Variants in RASSF9 observed in about 807,000 individuals in gnomAD.
The protein encoded by RASSF9 is ras association domain-containing protein 9.
Under a neutral mutation model 21.4 loss-of-function variants are expected in RASSF9, and 18 were observed. That is an observed-to-expected ratio of 0.84 (90% CI 0.58 to 1.25). RASSF9 has a LOEUF of 1.25. RASSF9 is among the 50% of genes most tolerant of loss of function. RASSF9 has a pLI of 0.00. For synonymous variants in RASSF9, 183 were observed against 179.1 expected (o/e 1.02, Z -0.18); for missense variants, 480 against 503.2 (o/e 0.95, Z 0.44).
At position 85,805,775 on chromosome 12, in the gene RASSF9, T is replaced by C. The variant is rs1879816926; in HGVS notation, c.235A>G (p.Ile79Val). ...TCGGAGCCTCTCCACTTCTCTATGA[T>C]GCAGTAATCACTGGGCTTCCCCAGA... ...FLLGKPSDYC[I>V]IEKWRGSERV... is the part of the protein sequence containing the mutation. Residue 79 changes from isoleucine to valine, a missense_variant, in exon 2 of 2, where the codon ATC becomes GTC. Coordinates refer to ENST00000361228, the MANE Select transcript of RASSF9 (RefSeq NM_005447.4). 1.2e-6 allele frequency: 2 copies of C among 1,613,800 alleles called. No homozygotes were observed. The highest frequency in any genetic ancestry group is 1.7e-6 in the Non-Finnish European group (2 of 1,179,914).
In RASSF9 at chr12:85,805,292, A is replaced by C. The variant is rs1879797281; in HGVS notation, c.718T>G (p.Phe240Val). 6.2e-7 allele frequency: 1 copy of C among 1,613,420 alleles called. No homozygotes were observed. Among genetic ancestry groups the C allele is most frequent in the Non-Finnish European group, 8.5e-7 (1 of 1,179,880 alleles). The change falls in exon 2 of 2, where the codon TTC becomes GTC. Residue 240 changes from phenylalanine to valine, a missense_variant. By Grantham distance (50) the Phe-to-Val change is conservative. Transcript: ENST00000361228. ...TCTAGATTTTGCTCAACTTCACTGA[A>C]ACTGGGCATTAAATATGCATCCTGA... ...YVQDAYLMPS[F>V]SEVEQNLDLQ...
intron 1 of RASSF9, among the ~76,000 whole-genome samples, chr12:85,819,314 C>A (rs1880157031): frequency 6.6e-6 from 1 of 151,966 alleles, no homozygotes. Flanking sequence ...GCTGGGATTA[C>A]AGGCACGAGC....
chr12:85,818,956 C>CAAAAAAAAAAAAAAAAAAAAAAAAAA (rs60760019), intron 1 of RASSF9, among the ~76,000 whole-genome samples: 1 of 66,626 alleles, frequency 1.5e-5, no homozygotes, highest in Non-Finnish European at 2.7e-5. Flanking sequence ...GAGACTCCGT[C>CAAAAAAAAAAAAAAAAAAAAAAAAAA]AAAAAAAAAA....
intron 1 of RASSF9, among the ~76,000 whole-genome samples, chr12:85,830,566 T>C (rs552700046): frequency 6.6e-6 from 1 of 152,246 alleles, no homozygotes; most frequent in African/African-American, 2.4e-5. Flanking sequence ...CTCAATGATT[T>C]TTTTAACAGA....
intron 1 of RASSF9, among the ~76,000 whole-genome samples, chr12:85,832,383 A>G (rs1466988309): frequency 6.6e-6 from 1 of 151,868 alleles, no homozygotes; most frequent in Non-Finnish European, 1.5e-5. Flanking sequence ...ATACCTTACA[A>G]CCAAGTGTTC....
chr12:85,806,297 G>A (rs1381911695), intron 1 of RASSF9, among the ~76,000 whole-genome samples: 7 of 150,654 alleles, frequency 4.6e-5, no homozygotes, highest in South Asian at 4.2e-4. Context: ...TGATCCACCC[G>A]TCTCGGCCTC....
At chr12:85,836,104 CACACACACACACAGAG>C in intron 1 of RASSF9, 35 bp downstream of exon 1, 1 of 1,334,372 alleles carries the variant, frequency 7.5e-7, no homozygotes, top group Non-Finnish European at 1.0e-6. Flanking sequence ...ACACACAAGA[CACACACACACACAGAG>C]ACACACACAC....
intron 1 of RASSF9, among the ~76,000 whole-genome samples, chr12:85,807,196 A>G (rs915920016): frequency 6.6e-6 from 1 of 152,172 alleles, no homozygotes; most frequent in Non-Finnish European, 1.5e-5. Context: ...GAATTCCAGG[A>G]ACAATGAGCA....
chr12:85,831,574 T>G (rs1256834457), intron 1 of RASSF9, among the ~76,000 whole-genome samples: 1 of 151,936 alleles, frequency 6.6e-6, no homozygotes, highest in Non-Finnish European at 1.5e-5. Context: ...ACTACTTAAG[T>G]TACCAGGTAT....
chr12:85,811,868 G>A (rs377430465), intron 1 of RASSF9, among the ~76,000 whole-genome samples: 14 of 151,706 alleles, frequency 9.2e-5, no homozygotes, highest in African/African-American at 3.1e-4. Context: ...ATCTTACTCA[G>A]TGTTAATTAG....
At position 85,802,555 on chromosome 12, in the gene RASSF9, A is replaced by T. The variant is rs1186568406; in HGVS notation, c.*2147T>A. 1 of 152,168 alleles carries T rather than the reference A, an allele frequency of 6.6e-6. No individual in the cohort carries two copies. Among genetic ancestry groups the T allele is most frequent in the Non-Finnish European group, 1.5e-5 (1 of 67,992 alleles). The allele number at this position is 152,168 out of a possible 1,614,324, so 9.4% of individuals were successfully genotyped here. On this transcript the variant is annotated 3_prime_UTR_variant, in exon 2 of 2. Transcript: ENST00000361228. ...AGCCTTAAATGCATTACTGTGCTTAACTGTATAAAAGCAGAAGTTAATTCA... is the reference window on the plus strand; with the variant it reads ...AGCCTTAAATGCATTACTGTGCTTATCTGTATAAAAGCAGAAGTTAATTCA...
intron 1 of RASSF9, among the ~76,000 whole-genome samples, chr12:85,832,961 C>A (rs10863083): frequency 0.38 from 57,009 of 151,526 alleles, 11,583 homozygotes; most frequent in African/African-American, 0.5. Flanking sequence ...CCATGTCTTT[C>A]TATGAAAGTT....
At position 85,804,858 on chromosome 12, in the gene RASSF9, T is replaced by C. The variant is rs775618744; in HGVS notation, c.1152A>G (p.Glu384=). The C allele has an allele frequency of 3.1e-6, 5 of 1,613,764 alleles. No individual in the cohort carries two copies. In the South Asian group the frequency reaches 4.4e-5, roughly 14 times the overall value. The change falls in exon 2 of 2, where the codon GAA becomes GAG. Residue 384 remains glutamate (E), a synonymous_variant. Coordinates refer to ENST00000361228, the MANE Select transcript of RASSF9 (RefSeq NM_005447.4). ...CCCCATTGCTACTGGGAACCTCAGA[T>C]TCCTTCGCTCTGTTTTCCTTTAACT... ...GCQLKENRAK[E]SEVPSSNGEI... is the part of the protein sequence containing the mutation.
At chr12:85,808,849 T>A (rs1879890651) in intron 1 of RASSF9, among the ~76,000 whole-genome samples, 1 of 152,092 alleles carries the variant, frequency 6.6e-6, no homozygotes, top group Non-Finnish European at 1.5e-5. Context: ...GTCATAATTA[T>A]CAACCTTATA....
intron 1 of RASSF9, among the ~76,000 whole-genome samples, chr12:85,821,643 ATGTT>A (rs1303261683): frequency 1.3e-5 from 2 of 151,746 alleles, no homozygotes; most frequent in Non-Finnish European, 2.9e-5. Context: ...TTTGATATAT[ATGTT>A]TGTGTATATA....
Position 85,803,507 on chromosome 12 carries a change from A to T in RASSF9, c.*1195T>A, listed in dbSNP as rs1002188189. 1 of 152,206 alleles carries T rather than the reference A, an allele frequency of 6.6e-6. No homozygotes were observed. The highest frequency in any genetic ancestry group is 2.4e-5 in the African/African-American group (1 of 41,454). 9.4% of individuals were successfully genotyped at this position (152,206 alleles called of 1,614,324 possible). Reference sequence around the variant, plus strand: ...CGGGAGAAGGAGAGATGAAGGCAGGAAAAGAGAGGAAGTAAGGCAGACAGG... The same window carrying T: ...CGGGAGAAGGAGAGATGAAGGCAGGTAAAGAGAGGAAGTAAGGCAGACAGG... On this transcript the variant is annotated 3_prime_UTR_variant, in exon 2 of 2. Transcript: ENST00000361228.
At position 85,810,086 on chromosome 12, in the gene RASSF9, T is replaced by C. The variant is rs114246351; in HGVS notation, c.48-4124A>G. ...TGAGCACATTTAAAAGTAATAACCA[T>C]CTATTACTGAATTCAGGCAATAAAT... On this transcript the variant is annotated intron_variant, in intron 1 of 1. Coordinates refer to ENST00000361228, the MANE Select transcript of RASSF9 (RefSeq NM_005447.4). Among the ~76,000 whole-genome samples the C allele has an allele frequency of 9.4e-3, 1,437 of 152,088 alleles. 29 individuals are homozygous for C. The highest frequency in any genetic ancestry group is 0.033 in the African/African-American group (1,351 of 41,550).
At chr12:85,806,508 A>G (rs903214688) in intron 1 of RASSF9, among the ~76,000 whole-genome samples, 3 of 150,684 alleles carry the variant, frequency 2.0e-5, no homozygotes, top group Non-Finnish European at 4.4e-5. Context: ...CCCCGTCTCT[A>G]CTAAAAATAC....
chr12:85,825,660 G>C (rs1300418702), intron 1 of RASSF9, among the ~76,000 whole-genome samples: 1 of 151,822 alleles, frequency 6.6e-6, no homozygotes, highest in Non-Finnish European at 1.5e-5. Flanking sequence ...AGATAATTTG[G>C]CTGCCCCAGA....
Sources: allele counts gnomAD v4.1 joint callset (sites outside exome capture counted in the v4.1 genomes callset), GRCh38; gene constraint gnomAD v4.1.1; transcripts MANE v1.5; gene names NCBI Gene and HGNC (gene_info 2026-07-23, HGNC 2026-07-21).